C1QTNF1: variants seen among roughly 807,000 people sequenced by gnomAD.
C1QTNF1 encodes C1q and TNF related 1, also known as complement C1q tumor necrosis factor-related protein 1.
A neutral mutation model predicts 27.8 loss-of-function variants in C1QTNF1; 22 were observed. That is an observed-to-expected ratio of 0.79 (90% confidence interval 0.56 to 1.13). The LOEUF is 1.13. C1QTNF1 is among the 50% of genes most tolerant of loss of function. C1QTNF1 has a pLI of 0.00. For missense variants in C1QTNF1, 373 were observed against 380.2 expected (o/e 0.98, Z 0.16); for synonymous variants, 166 against 154.3 (o/e 1.08, Z -0.56).
Position 79,048,215 on chromosome 17 carries a change from C to A in C1QTNF1, c.*127C>A. ...CATTCAGTGAGACGCCCTGCACACA[C>A]AGAAAGCCAAAGCGATCGGTGCTCC... On this transcript the variant is annotated 3_prime_UTR_variant, in exon 4 of 4. Coordinates refer to ENST00000579760, the MANE Select transcript of C1QTNF1 (RefSeq NM_030968.5). 1 of 944,056 alleles carries A rather than the reference C, an allele frequency of 1.1e-6. No homozygotes were observed. Among genetic ancestry groups the A allele is most frequent in the Non-Finnish European group, 1.5e-6 (1 of 658,072 alleles). The allele number at this position is 944,056 out of a possible 1,614,324, so 58.5% of individuals were successfully genotyped here. A position where few individuals can be genotyped will look rare whatever the true frequency, so the allele number is the denominator to read the frequency against.
At chr17:79,028,919 C>T (rs1416672972) in intron 1 of C1QTNF1, among the ~76,000 whole-genome samples, 3 of 151,908 alleles carry the variant, frequency 2.0e-5, no homozygotes, top group Admixed American at 1.3e-4. Context: ...TGTGCATGCA[C>T]GCGCGGGTGT....
At chr17:79,028,052 G>A (rs1346738465) in intron 1 of C1QTNF1, among the ~76,000 whole-genome samples, 12 of 152,230 alleles carry the variant, frequency 7.9e-5, no homozygotes, top group Non-Finnish European at 1.6e-4. Context: ...GACGGCTGTG[G>A]CCGGGCCGGT....
chr17:79,046,663 C>T lies in C1QTNF1; in HGVS notation c.264C>T (p.Ala88=), dbSNP rs780552494. The change falls in exon 3 of 4, where the codon GCC becomes GCT. Residue 88 remains alanine, a synonymous_variant. Coordinates refer to ENST00000579760, the MANE Select transcript of C1QTNF1 (RefSeq NM_030968.5). This position sits in a 1 kb window ranked among gnomAD's most constrained non-coding sequence, Gnocchi z 4.8. Reference sequence around the variant, plus strand: ...GTACCTCCATGTACCCGGCGACCGCCGTGCCCCAGATCAACATCACTATCT... The same window carrying T: ...GTACCTCCATGTACCCGGCGACCGCTGTGCCCCAGATCAACATCACTATCT... ...DPGTSMYPAT[A]VPQINITILK... 23 of 1,614,114 alleles carry T rather than the reference C, an allele frequency of 1.4e-5. No homozygotes were observed. The highest frequency in any genetic ancestry group is 5.3e-5 in the African/African-American group (4 of 74,954).
intron 1 of C1QTNF1, among the ~76,000 whole-genome samples, chr17:79,041,555 A>C (rs936817344): frequency 6.6e-6 from 1 of 152,152 alleles, no homozygotes; most frequent in Non-Finnish European, 1.5e-5. Context: ...AGGTGGGTGG[A>C]TCACTTGAGG....
intron 1 of C1QTNF1, among the ~76,000 whole-genome samples, chr17:79,026,834 T>C (rs990635523): frequency 5.9e-5 from 9 of 152,170 alleles, no homozygotes; most frequent in Admixed American, 3.3e-4. Context: ...GTTCCCTCCT[T>C]GTTCCTAGGA....
intron 1 of C1QTNF1, among the ~76,000 whole-genome samples, chr17:79,028,149 C>T (rs1023133599): frequency 4.6e-5 from 7 of 152,004 alleles, no homozygotes; most frequent in Admixed American, 3.9e-4. Context: ...AGGCAGGAGT[C>T]GAGGGGAGGA....
intron 1 of C1QTNF1, among the ~76,000 whole-genome samples, chr17:79,040,926 G>C (rs1220030293): frequency 6.6e-6 from 1 of 151,864 alleles, no homozygotes; most frequent in Non-Finnish European, 1.5e-5. Flanking sequence ...AGGCTAATTA[G>C]CTTCTCCAAG....
chr17:79,041,198 GACGGT>G (rs2072398283), intron 1 of C1QTNF1, among the ~76,000 whole-genome samples: 1 of 152,188 alleles, frequency 6.6e-6, no homozygotes, highest in Non-Finnish European at 1.5e-5. Flanking sequence ...TGGTCATTGG[GACGGT>G]CTCTGGGCCC....
Position 79,046,204 on chromosome 17 carries a change from T to A in C1QTNF1, c.156-351T>A, listed in dbSNP as rs1183999281. 6.6e-6 allele frequency among the ~76,000 whole-genome samples: 1 copy of A among 152,208 alleles called. No homozygotes were observed. Among genetic ancestry groups the A allele is most frequent in the Non-Finnish European group, 1.5e-5 (1 of 68,032 alleles). On this transcript the variant is annotated intron_variant, in intron 2 of 3. Coordinates refer to ENST00000579760, the MANE Select transcript of C1QTNF1 (RefSeq NM_030968.5). The surrounding 1 kb of genome is among the most constrained non-coding windows in gnomAD (Gnocchi z 4.8). ...CGAGTCAGCTTCATATGTTATTTTCTAGCATCACGGATATACGATAGGGAG... is the reference window on the plus strand; with the variant it reads ...CGAGTCAGCTTCATATGTTATTTTCAAGCATCACGGATATACGATAGGGAG...
In C1QTNF1 at chr17:79,031,856, G is replaced by A. The variant is rs75317848; in HGVS notation, c.-15+7362G>A. On this transcript the variant is annotated intron_variant, in intron 1 of 3. Coordinates refer to ENST00000579760, the MANE Select transcript of C1QTNF1 (RefSeq NM_030968.5). ...TAGACTTTCTGAGTGCAGATAAGAG[G>A]AGCGTTTCTAGGGAAGATGGCTACA... 2.4e-4 allele frequency among the ~76,000 whole-genome samples: 37 copies of A among 152,356 alleles called. No individual in the cohort carries two copies. The East Asian group carries it at 5.8e-3, about 24-fold the overall frequency.
chr17:79,035,073 C>T (rs910767045), intron 1 of C1QTNF1, among the ~76,000 whole-genome samples: 2 of 152,162 alleles, frequency 1.3e-5, no homozygotes, highest in Admixed American at 6.5e-5. Context: ...CTGCCCATCA[C>T]CGGAGGAGTT....
chr17:79,041,873 T>C (rs2072419599), intron 1 of C1QTNF1: 1 of 151,580 alleles, frequency 6.6e-6, no homozygotes, highest in Non-Finnish European at 1.5e-5. Context: ...CCAAGATGAG[T>C]AAGACGTCGC....
intron 2 of C1QTNF1, among the ~76,000 whole-genome samples, chr17:79,045,350 G>T (rs1273783834): frequency 6.6e-6 from 1 of 152,120 alleles, no homozygotes; most frequent in East Asian, 1.9e-4. Context: ...GGGTCTAGTT[G>T]GGGAGGGTCT....
chr17:79,029,100 T>A (rs2072057976), intron 1 of C1QTNF1, among the ~76,000 whole-genome samples: 1 of 152,130 alleles, frequency 6.6e-6, no homozygotes, highest in South Asian at 2.1e-4. Flanking sequence ...TCGGTAATCC[T>A]CTGTTGAATG....
chr17:79,038,928 G>A (rs2072329955), intron 1 of C1QTNF1, among the ~76,000 whole-genome samples: 1 of 152,146 alleles, frequency 6.6e-6, no homozygotes, highest in Non-Finnish European at 1.5e-5. Flanking sequence ...TTTCAACCTG[G>A]GTTTGCTCTG....
intron 1 of C1QTNF1, among the ~76,000 whole-genome samples, chr17:79,039,805 A>C (rs1028378533): frequency 1.3e-5 from 2 of 151,600 alleles, no homozygotes; most frequent in African/African-American, 4.8e-5. Context: ...GTGTATATAT[A>C]TATATATGTA....
chr17:79,047,764 C>T lies in C1QTNF1; in HGVS notation c.522C>T (p.Leu174=), dbSNP rs2072629003. The change falls in exon 4 of 4, where the codon CTC becomes CTT. Residue 174 remains leucine (L), a synonymous_variant. Transcript: ENST00000579760. ...TVIFDTEFVN[L]YDHFNMFTGK... is the part of the protein sequence containing the mutation. ...TCTTCGACACGGAGTTCGTGAACCT[C>T]TACGACCACTTCAACATGTTCACCG... 1 of 1,614,068 alleles carries T rather than the reference C, an allele frequency of 6.2e-7. No homozygotes were observed. Among genetic ancestry groups the T allele is most frequent in the South Asian group, 1.1e-5 (1 of 91,086 alleles).
At position 79,047,655 on chromosome 17, in the gene C1QTNF1, G is replaced by A; in HGVS notation, c.413G>A (p.Gly138Glu). 6.2e-7 allele frequency: 1 copy of A among 1,610,852 alleles called. No homozygotes were observed. The highest frequency in any genetic ancestry group is 8.5e-7 in the Non-Finnish European group (1 of 1,177,578). The part of the protein sequence containing the change: ...KGQKGSMGAP[G>E]ERCKSHYAAF... ...CAGAAGGGCTCCATGGGGGCCCCTG[G>A]GGAGCGGTGCAAGAGCCACTACGCC... Residue 138 changes from glycine to glutamate, a missense_variant, in exon 4 of 4, where the codon GGG becomes GAG. Transcript: ENST00000579760.
chr17:79,041,427 C>T (rs2072405680), intron 1 of C1QTNF1, among the ~76,000 whole-genome samples: 2 of 152,146 alleles, frequency 1.3e-5, no homozygotes, highest in Admixed American at 1.3e-4. Flanking sequence ...CCAGATCTTC[C>T]CCTGCAATGT....
Sources: allele counts gnomAD v4.1 joint callset (sites outside exome capture counted in the v4.1 genomes callset), GRCh38; gene constraint gnomAD v4.1.1; non-coding constraint Gnocchi (gnomAD v3.1); transcripts MANE v1.5; gene names NCBI Gene and HGNC (gene_info 2026-07-23, HGNC 2026-07-21).